Variants in FAAP20 observed in about 807,000 individuals in gnomAD.
The protein encoded by FAAP20 is FA core complex associated protein 20, also known as Fanconi anemia core complex-associated protein 20.
In FAAP20, 12 loss-of-function variants were observed where a neutral mutation model predicts 16.2. The ratio of observed to expected loss-of-function variants is 0.74; its 90% confidence interval spans 0.48 to 1.20. The LOEUF (loss-of-function observed/expected upper bound fraction) is 1.20. FAAP20 is among the 50% of genes most tolerant of loss of function. The probability of loss-of-function intolerance (pLI) is 0.00; values close to 1 mark genes in which losing one functional copy is unlikely to be tolerated. For synonymous variants in FAAP20, 141 were observed against 110.7 expected, an observed-to-expected ratio of 1.27 and a Z score of -1.72; for missense variants, 288 against 245.8, an observed-to-expected ratio of 1.17 and a Z score of -1.15.
At chr1:2,185,244 C>T (rs1243895061), downstream of FAAP20, 3 of 711,622 alleles carry the variant, frequency 4.2e-6, no homozygotes, top group Admixed American at 2.0e-5. Flanking sequence ...GCCTGCGTCG[C>T]GGCGGATCCG....
chr1:2,205,507 C>T (rs908357479), intron 3 of FAAP20, among the ~76,000 whole-genome samples: 2 of 151,946 alleles, frequency 1.3e-5, no homozygotes, highest in African/African-American at 2.4e-5. Context: ...CCAGGGCGAG[C>T]GCGCTTCCGG....
chr1:2,193,299 T>C, intron 3 of FAAP20: 1 of 488,026 alleles, frequency 2.0e-6, no homozygotes, highest in Non-Finnish European at 3.6e-6. Context: ...CATGACGCAC[T>C]CTCGGGAAGG....
Position 2,193,908 on chromosome 1 carries a change from C to A in FAAP20, c.201G>T (p.Glu67Asp), listed in dbSNP as rs202236326. The A allele has an allele frequency of 6.2e-6, 10 of 1,611,996 alleles. No homozygotes were observed. The East Asian group carries it at 1.3e-4, about 22-fold the overall frequency. Residue 67 changes from glutamate to aspartate, a missense_variant and splice_region_variant, in exon 3 of 4, where the codon GAG (glutamate) becomes GAT (aspartate). Glu to Asp is a conservative substitution (Grantham distance 45, BLOSUM62 2). Transcript: ENST00000378546. ...VPSLPAFPGQ[E>D]PRCGPEPTEV... Reference sequence around the variant, plus strand: ...CAGTGGGCTCCGGGCCGCACCTGGGCTCCTGCAACACAGAGTTGTTGGGCC... The same window carrying A: ...CAGTGGGCTCCGGGCCGCACCTGGGATCCTGCAACACAGAGTTGTTGGGCC...
rs1687932278 is a variant in FAAP20, at chr1:2,189,629, G to C, written c.*80C>G. ...GGAGCCGAGAGGCGGGGCTGCTGGC[G>C]GGGGAGCCGAGAGGCGGGGCTGCTG... On this transcript the variant is annotated 3_prime_UTR_variant, in exon 4 of 4. Transcript: ENST00000378546. 2 of 1,195,800 alleles carry C rather than the reference G, an allele frequency of 1.7e-6. No individual in the cohort carries two copies. The highest frequency in any genetic ancestry group is 2.4e-6 in the Non-Finnish European group (2 of 816,886). 74.1% of individuals were successfully genotyped at this position (1,195,800 alleles called of 1,614,324 possible).
downstream of FAAP20, among the ~76,000 whole-genome samples, chr1:2,211,937 T>C (rs186904394): frequency 2.1e-3 from 309 of 144,158 alleles, no homozygotes; most frequent in South Asian, 2.0e-3. Flanking sequence ...GAGTCTTGCT[T>C]TGTCGCCCAG....
At chr1:2,198,896 G>A (rs755966538), upstream of FAAP20, 16 of 1,289,780 alleles carry the variant, frequency 1.2e-5, no homozygotes, top group South Asian at 2.5e-5. Context: ...TATGGGATAC[G>A]GGAGTGCCAG....
At chr1:2,204,686 A>G (rs957850330), upstream of FAAP20, among the ~76,000 whole-genome samples, 12 of 152,090 alleles carry the variant, frequency 7.9e-5, no homozygotes, top group African/African-American at 2.9e-4. Context: ...CGCCTTCAGG[A>G]CTAGCGGATG....
At chr1:2,194,157 C>G (rs1688591169) in intron 1 of FAAP20, 24 bp from the exon 2 acceptor site, 1 of 1,610,344 alleles carries the variant, frequency 6.2e-7, no homozygotes, top group African/African-American at 1.3e-5. Flanking sequence ...AGAGGGCAGA[C>G]AGGGGGTACT....
At chr1:2,195,930 G>C (rs1359741560), upstream of FAAP20, among the ~76,000 whole-genome samples, 2 of 152,228 alleles carry the variant, frequency 1.3e-5, no homozygotes, top group Non-Finnish European at 2.9e-5. Context: ...TGAGTGAGCA[G>C]ATGGAGATGC....
At chr1:2,197,977 A>G, upstream of FAAP20, 3 of 1,277,582 alleles carry the variant, frequency 2.3e-6, no homozygotes, top group Non-Finnish European at 3.1e-6. Context: ...TCTCAAGACA[A>G]GGAAGCATGT....
At chr1:2,203,722 A>G (rs1689135091), upstream of FAAP20, 1 of 885,740 alleles carries the variant, frequency 1.1e-6, no homozygotes, top group Non-Finnish European at 1.4e-6. Context: ...GCGGTCCTGG[A>G]GCCTGGCCTC....
chr1:2,211,426 TATATATATA>T (rs1284163226), downstream of FAAP20, among the ~76,000 whole-genome samples: 16 of 32,836 alleles, frequency 4.9e-4, no homozygotes, highest in East Asian at 4.0e-3. Flanking sequence ...TATATATATA[TATATATATA>T]TTTTTTTTTT....
At chr1:2,211,636 T>TG (rs1271100955), downstream of FAAP20, among the ~76,000 whole-genome samples, 4 of 148,258 alleles carry the variant, frequency 2.7e-5, no homozygotes, top group Non-Finnish European at 4.5e-5. Flanking sequence ...TTTTTAGTAG[T>TG]GACGGGGTTT....
At chr1:2,196,929 C>T (rs918168221), upstream of FAAP20, among the ~76,000 whole-genome samples, 2 of 152,184 alleles carry the variant, frequency 1.3e-5, no homozygotes, top group African/African-American at 4.8e-5. The surrounding 1 kb of genome is among the most constrained non-coding windows in gnomAD (Gnocchi z 4.5). Context: ...GGGGGGTGTT[C>T]TTGCTCCTTC....
At chr1:2,189,222 A>C (rs1687882100), downstream of FAAP20, among the ~76,000 whole-genome samples, 3 of 151,040 alleles carry the variant, frequency 2.0e-5, no homozygotes, top group South Asian at 6.3e-4. Flanking sequence ...AGTCCCAGCT[A>C]TTCAGGAGGC....
chr1:2,194,784 C>A (rs1572121830), upstream of FAAP20: 2 of 1,138,638 alleles, frequency 1.8e-6, no homozygotes, highest in East Asian at 4.3e-5. Context: ...AGCGCAAGCC[C>A]CGCCCCCGCC....
intron 3 of FAAP20, chr1:2,190,125 G>A: frequency 1.9e-6 from 1 of 524,216 alleles, no homozygotes. Flanking sequence ...CTGACCCGGA[G>A]AAAAGGCAGG....
At chr1:2,203,261 A>C (rs1689116146), upstream of FAAP20, among the ~76,000 whole-genome samples, 1 of 152,212 alleles carries the variant, frequency 6.6e-6, no homozygotes, top group Non-Finnish European at 1.5e-5. Flanking sequence ...GGATCCCGAC[A>C]GGCCAGAGAG....
At chr1:2,210,020 TGCA>T (rs1456404717), downstream of FAAP20, among the ~76,000 whole-genome samples, 1 of 152,148 alleles carries the variant, frequency 6.6e-6, no homozygotes, top group Non-Finnish European at 1.5e-5. Flanking sequence ...CACCCTGGAA[TGCA>T]GCCTCAGGGT....
Sources: allele counts gnomAD v4.1 joint callset (sites outside exome capture counted in the v4.1 genomes callset), GRCh38; gene constraint gnomAD v4.1.1; non-coding constraint Gnocchi (gnomAD v3.1); transcripts MANE v1.5; gene names NCBI Gene and HGNC (gene_info 2026-07-23, HGNC 2026-07-21).